Variants in LILRB5 observed in about 807,000 individuals in gnomAD.
The protein encoded by LILRB5 is leukocyte immunoglobulin-like receptor subfamily B member 5.
LILRB5 carries 61 observed loss-of-function variants against 68.4 expected under a neutral mutation model. The observed-to-expected ratio is 0.89, with a 90% confidence interval of 0.73 to 1.10. LILRB5 has a LOEUF of 1.10. LILRB5 is among the 50% of genes least tolerant of loss of function. The probability of loss-of-function intolerance (pLI) is 0.00; values close to 1 mark genes in which losing one functional copy is unlikely to be tolerated. For missense variants in LILRB5, 771 were observed against 751.6 expected, an observed-to-expected ratio of 1.03 and a Z score of -0.30; for synonymous variants, 356 against 315.8, an observed-to-expected ratio of 1.13 and a Z score of -1.35.
At chr19:54,255,840 T>C in intron 4 of LILRB5, 1 of 651,420 alleles carries the variant, frequency 1.5e-6, no homozygotes, top group Non-Finnish European at 2.6e-6. Context: ...ACCCATTGCC[T>C]TCCTGAGTCG....
rs184438252 is a variant in LILRB5 at position 54,253,736 on chromosome 19, C to T, written c.1357+282G>A. 803 of 1,149,144 alleles carry T rather than the reference C, an allele frequency of 7.0e-4. 6 individuals are homozygous for T. In the African/African-American group the frequency reaches 0.011, roughly 16 times the overall value. The allele number at this position is 1,149,144 out of a possible 1,614,324, so 71.2% of individuals were successfully genotyped here. A position where few individuals can be genotyped will look rare whatever the true frequency, so the allele number is the denominator to read the frequency against. On this transcript the variant is annotated intron_variant, in intron 8 of 12. Transcript: ENST00000449561. ...GCAGCCCTTGTTCTCTGCACCTGAG[C>T]GGAGCCCCGGAGCTGCAGGGAAAGA...
rs910510217 is a variant in LILRB5 at position 54,252,268 on chromosome 19, C to T, written c.1576+98G>A. ...TGGGTTCAGACCGCCTCCCCCTTGG[C>T]CCCAGACCCCCCCCAGCCTGTGCTC... is the stretch of plus-strand genomic sequence containing the variant. On this transcript the variant is annotated intron_variant, in intron 11 of 12. Transcript: ENST00000449561. 8.3e-6 allele frequency: 12 copies of T among 1,445,574 alleles called. No homozygotes were observed. In the African/African-American group the frequency reaches 1.4e-4, roughly 17 times the overall value. The allele number at this position is 1,445,574 out of a possible 1,614,324, so 89.5% of individuals were successfully genotyped here.
rs769949160 is a variant in LILRB5, at chr19:54,256,177, C to T, written c.521G>A (p.Gly174Glu). The T allele has an allele frequency of 6.2e-6, 10 of 1,613,782 alleles. No individual in the cohort carries two copies. The highest frequency in any genetic ancestry group is 8.5e-6 in the Non-Finnish European group (10 of 1,179,954). The change falls in exon 4 of 13, where the codon GGG (glycine) becomes GAG (glutamate). Residue 174 changes from glycine to glutamate, a missense_variant. Physicochemically the swap from Gly to Glu is moderately conservative, Grantham distance 98 (BLOSUM62 -2). Transcript: ENST00000449561. ...CACAGGGAACAGGGCCTGGGATGGC[C>T]CTTTGGGGAGCTTCTGTGAGTACAG... ...RTLYSQKLPK[G>E]PSQALFPVGP... is the part of the protein sequence containing the mutation.
At position 54,252,476 on chromosome 19, in the gene LILRB5, G is replaced by A; in HGVS notation, c.1538+10C>T. 6.2e-7 allele frequency: 1 copy of A among 1,614,162 alleles called. No individual in the cohort carries two copies. On this transcript the variant is annotated intron_variant, in intron 10 of 12. Coordinates refer to ENST00000449561, the MANE Select transcript of LILRB5 (RefSeq NM_001081442.3). ...GTGGATGGGAGTCTTGGGTCTTCAT[G>A]CAGAATTACCTCTTCTGCAGGCCCT... is the stretch of plus-strand genomic sequence containing the variant.
At position 54,256,758 on chromosome 19, in the gene LILRB5, G is replaced by C. The variant is rs1162425985; in HGVS notation, c.86C>G (p.Pro29Arg). 1 of 1,613,826 alleles carries C rather than the reference G, an allele frequency of 6.2e-7. No homozygotes were observed. Among genetic ancestry groups the C allele is most frequent in the Non-Finnish European group, 8.5e-7 (1 of 1,179,980 alleles). The change falls in exon 3 of 13, where the codon CCC becomes CGC. Residue 29 changes from proline to arginine, a missense_variant. Transcript: ENST00000449561. ...AGAGGCTGGCTCAGCCCAGAGGGTG[G>C]GTTTGGGGAGGGTGCCTAGAATGGA... ...TCVQAGTLPK[P>R]TLWAEPASVI...
At chr19:54,253,505 TG>T (rs1026992889) in intron 8 of LILRB5, 30 of 290,706 alleles carry the variant, frequency 1.0e-4, no homozygotes, top group Middle Eastern at 1.1e-3. Flanking sequence ...TGGGAAGGGC[TG>T]AGGGTAGCAG....
In LILRB5 at chr19:54,249,477, G is replaced by A. The variant is rs1358663672; in HGVS notation, c.*1309C>T. On this transcript the variant is annotated 3_prime_UTR_variant, in exon 13 of 13. Coordinates refer to ENST00000449561, the MANE Select transcript of LILRB5 (RefSeq NM_001081442.3). ...ACACAATCAAAATACTCATTCCTTC[G>A]AGGACAAGACACAGTGAAGCACCAA... 1 of 152,064 alleles carries A rather than the reference G, an allele frequency of 6.6e-6. No homozygotes were observed. The highest frequency in any genetic ancestry group is 1.9e-4 in the East Asian group (1 of 5,194). 9.4% of individuals were successfully genotyped at this position (152,064 alleles called of 1,614,324 possible).
intron 11 of LILRB5, 88 bp from the exon 12 acceptor site, chr19:54,252,194 G>T: frequency 6.6e-7 from 1 of 1,523,070 alleles, no homozygotes. Flanking sequence ...TCCCACTAGG[G>T]TGGCTGAGAT....
At chr19:54,255,852 C>A (rs745460434) in intron 4 of LILRB5, 191 bp downstream of exon 4, 99 of 655,526 alleles carry the variant, frequency 1.5e-4, no homozygotes, top group Non-Finnish European at 2.2e-4. Context: ...CCTGAGTCGA[C>A]CCCTTCCAGG....
chr19:54,251,811 A>G (rs624263), intron 12 of LILRB5: 1 of 701,820 alleles, frequency 1.4e-6, no homozygotes, highest in Admixed American at 2.1e-5. Context: ...GCCTGGGGAG[A>G]GCTCTAACAA....
Position 54,250,925 on chromosome 19 carries a change from G to A in LILRB5, c.1637C>T (p.Ala546Val). Residue 546 changes from alanine to valine, a missense_variant, in exon 13 of 13, where the codon GCA becomes GTA. Ala to Val is a moderately conservative substitution (Grantham distance 64, BLOSUM62 0). Transcript: ENST00000449561. ...GGTCACATCCTGGGGGGCTTCAGATGCAGCAGCCTGCAGCGGGGGAGAGTG... is the reference window on the plus strand; with the variant it reads ...GGTCACATCCTGGGGGGCTTCAGATACAGCAGCCTGCAGCGGGGGAGAGTG... ...DGVEMDAPAA[A>V]SEAPQDVTYA... 2 of 1,604,124 alleles carry A rather than the reference G, an allele frequency of 1.2e-6. No homozygotes were observed. Among genetic ancestry groups the A allele is most frequent in the Non-Finnish European group, 8.5e-7 (1 of 1,176,908 alleles).
Position 54,256,143 on chromosome 19 carries a change from C to T in LILRB5, c.555G>A (p.Val185=), listed in dbSNP as rs1013199278. 6.2e-7 allele frequency: 1 copy of T among 1,611,272 alleles called. No individual in the cohort carries two copies. Among genetic ancestry groups the T allele is most frequent in the Non-Finnish European group, 8.5e-7 (1 of 1,178,864 alleles). ...PSQALFPVGP[V]TPSCRWRFRC... is the part of the protein sequence containing the mutation. The stretch of plus-strand genomic sequence containing the variant: ...TGAACCTCCACCTGCAGCTGGGGGT[C>T]ACGGGACCCACAGGGAACAGGGCCT... The change falls in exon 4 of 13, where the codon GTG becomes GTA. Residue 185 remains valine (V), a synonymous_variant. Transcript: ENST00000449561.
In LILRB5 at chr19:54,256,509, G is replaced by A. The variant is rs149436503; in HGVS notation, c.335C>T (p.Pro112Leu). 3 of 1,614,012 alleles carry A rather than the reference G, an allele frequency of 1.9e-6. No homozygotes were observed. The African/African-American group carries it at 4.0e-5, about 22-fold the overall frequency. Residue 112 changes from proline (P) to leucine (L), a missense_variant, in exon 3 of 13, where the codon CCC (proline) becomes CTC (leucine). Pro to Leu is a moderately conservative substitution (Grantham distance 98). Transcript: ENST00000449561. ...TPAGWSEPSDPLELVATGFYA... is the reference protein window; with the variant it reads ...TPAGWSEPSDLLELVATGFYA... Reference sequence around the variant, plus strand: ...CTCACCTGTCGCCACCAGCTCCAGGGGGTCACTGGGCTCTGACCAGCCTGC... The same window carrying A: ...CTCACCTGTCGCCACCAGCTCCAGGAGGTCACTGGGCTCTGACCAGCCTGC...
intron 11 of LILRB5, 127 bp from the exon 12 acceptor site, chr19:54,252,233 T>C: frequency 7.0e-7 from 1 of 1,427,452 alleles, no homozygotes; most frequent in South Asian, 1.2e-5. Flanking sequence ...GTCCCTGAGG[T>C]CCCACAGTGT....
In LILRB5 at chr19:54,252,086, G is replaced by A. The variant is rs148738375; in HGVS notation, c.1597C>T (p.Gln533Ter). The change falls in exon 12 of 13, where the codon CAG becomes TAG. Residue 533 changes from glutamine to a stop codon, truncating the protein, a stop_gained. Coordinates refer to ENST00000449561, the MANE Select transcript of LILRB5 (RefSeq NM_001081442.3). LOFTEE classifies it low-confidence loss of function (END_TRUNC). The part of the protein sequence containing the change: ...EILNAAVKDT[Q>*]PKDGVEMDAP... ...TCCATCTCCACCCCGTCCTTGGGCTGTGTGTCCTTCACGGCAGCATCTGCT... is the reference window on the plus strand; with the variant it reads ...TCCATCTCCACCCCGTCCTTGGGCTATGTGTCCTTCACGGCAGCATCTGCT... 9.0e-5 allele frequency: 145 copies of A among 1,613,982 alleles called. 1 individual carries two copies. The highest frequency in any genetic ancestry group is 1.3e-4 in the Admixed American group (8 of 60,002).
intron 5 of LILRB5, 48 bp downstream of exon 5, chr19:54,255,238 G>A (rs531304307): frequency 6.3e-7 from 1 of 1,597,786 alleles, no homozygotes; most frequent in Admixed American, 1.7e-5. Flanking sequence ...CCCCCGGCAG[G>A]ACCTGTGCAG....
At chr19:54,251,692 C>A in intron 12 of LILRB5, 3 of 637,240 alleles carry the variant, frequency 4.7e-6, no homozygotes, top group South Asian at 4.6e-5. Flanking sequence ...TCTGCAGCTC[C>A]CATGGGGAGC....
intron 12 of LILRB5, 78 bp downstream of exon 12, chr19:54,251,973 GGAA>G (rs1277883932): frequency 7.2e-7 from 1 of 1,391,694 alleles, no homozygotes; most frequent in African/African-American, 1.4e-5. Context: ...GAGAGCCGGG[GGAA>G]GGAGGACAGA....
chr19:54,255,510 T>C lies in LILRB5; in HGVS notation c.728A>G (p.Gln243Arg), dbSNP rs544050586. ...VVARGGSLTL[Q>R]CRSDVGYDIF... ...GTCATAGCCGACATCAGAGCGACAC[T>C]GCAGGGTCAGGCTGCCTCCGCGGGC... Residue 243 changes from glutamine to arginine, a missense_variant, in exon 5 of 13, where the codon CAG becomes CGG. By Grantham distance (43) the Gln-to-Arg change is conservative. Transcript: ENST00000449561. The C allele has an allele frequency of 1.2e-6, 2 of 1,613,924 alleles. No homozygotes were observed. Among genetic ancestry groups the C allele is most frequent in the South Asian group, 1.1e-5 (1 of 91,078 alleles).
Sources: gnomAD v4.1 joint callset for allele counts on GRCh38, gnomAD v4.1.1 for gene constraint, MANE v1.5 for transcripts, NCBI Gene and HGNC (gene_info 2026-07-23, HGNC 2026-07-21) for gene names.